Variants in KCND3 observed in about 807,000 individuals in gnomAD.
The protein encoded by KCND3 is potassium voltage-gated channel subfamily D member 3, also known as A-type voltage-gated potassium channel KCND3.
A neutral mutation model predicts 51.1 loss-of-function variants in KCND3; 9 were observed. The observed-to-expected ratio is 0.18, with a 90% CI of 0.11 to 0.31. KCND3 has a LOEUF of 0.31. Ranked by LOEUF, KCND3 falls within the 10% of genes least tolerant of loss-of-function variation. KCND3 has a pLI of 1.00. For synonymous variants in KCND3, 349 were observed against 368.0 expected, an observed-to-expected ratio of 0.95 and a Z score of 0.59; for missense variants, 526 against 903.8, an observed-to-expected ratio of 0.58 and a Z score of 5.36.
At position 111,780,742 on chromosome 1, in the gene KCND3, G is replaced by A. The variant is rs139935157; in HGVS notation, c.1319C>T (p.Ala440Val). Reference sequence around the variant, plus strand: ...CCCGTTGCGCTTGCTGTGCAGGTATGCATTCGAACTGCCTGTTTTGGCCAC... The same window carrying A: ...CCCGTTGCGCTTGCTGTGCAGGTATACATTCGAACTGCCTGTTTTGGCCAC... ...IRVAKTGSSN[A>V]YLHSKRNGLL... is the part of the protein sequence containing the mutation. The change falls in exon 4 of 8, where the codon GCA (alanine) becomes GTA (valine). Residue 440 changes from alanine to valine, a missense_variant. By Grantham distance (64) the Ala-to-Val change is moderately conservative (BLOSUM62 0). Coordinates refer to ENST00000302127, the MANE Select transcript of KCND3 (RefSeq NM_001378969.1). The surrounding 1 kb of genome is among the most constrained non-coding windows in gnomAD (Gnocchi z 4.2). 1 of 1,613,364 alleles carries A rather than the reference G, an allele frequency of 6.2e-7. No individual in the cohort carries two copies. Among genetic ancestry groups the A allele is most frequent in the Non-Finnish European group, 8.5e-7 (1 of 1,179,868 alleles).
At chr1:111,903,536 A>G (rs1454108922) in intron 2 of KCND3, among the ~76,000 whole-genome samples, 1 of 152,236 alleles carries the variant, frequency 6.6e-6, no homozygotes, top group Admixed American at 6.5e-5. Flanking sequence ...TGATCTCTGA[A>G]TCTGCTCATT....
chr1:111,807,769 C>G (rs779181092), intron 2 of KCND3, among the ~76,000 whole-genome samples: 1 of 152,234 alleles, frequency 6.6e-6, no homozygotes, highest in African/African-American at 2.4e-5. Flanking sequence ...GCTATATCAT[C>G]TAGGCTTGTG....
At chr1:111,816,585 A>AC (rs1666098691) in intron 2 of KCND3, among the ~76,000 whole-genome samples, 1 of 152,208 alleles carries the variant, frequency 6.6e-6, no homozygotes, top group African/African-American at 2.4e-5. Context: ...ACTGGGAAAG[A>AC]TGGGGGAATT....
intron 2 of KCND3, among the ~76,000 whole-genome samples, chr1:111,979,961 T>A (rs536657307): frequency 6.6e-6 from 1 of 152,234 alleles, no homozygotes; most frequent in East Asian, 1.9e-4. Flanking sequence ...ATCAGGAGCT[T>A]GACTAGAAGT....
In KCND3 at chr1:111,786,208, T is replaced by G. The variant is rs1664597782; in HGVS notation, c.1269+736A>C. On this transcript the variant is annotated intron_variant, in intron 3 of 7. Coordinates refer to ENST00000302127, the MANE Select transcript of KCND3 (RefSeq NM_001378969.1). ...CTTAAAAATGCAAGTGAACAAGAGT[T>G]GGCTGAGTTGATGAGTTGTTCTAGA... Among the ~76,000 whole-genome samples, 4 of 152,380 alleles carry G rather than the reference T, an allele frequency of 2.6e-5. No individual in the cohort carries two copies. In the South Asian group the frequency reaches 8.3e-4, roughly 32 times the overall value.
At chr1:111,901,433 C>T (rs1347084192) in intron 2 of KCND3, among the ~76,000 whole-genome samples, 1 of 152,236 alleles carries the variant, frequency 6.6e-6, no homozygotes. Flanking sequence ...GCCAGAGACT[C>T]AGCCTGCATT....
chr1:111,958,334 A>C (rs1673444290), intron 2 of KCND3, among the ~76,000 whole-genome samples: 1 of 152,182 alleles, frequency 6.6e-6, no homozygotes, highest in Admixed American at 6.5e-5. Context: ...CAGGACCCTG[A>C]GCTGCAGCCA....
chr1:111,927,980 C>T (rs1247599913), intron 2 of KCND3, among the ~76,000 whole-genome samples: 1 of 152,182 alleles, frequency 6.6e-6, no homozygotes, highest in Non-Finnish European at 1.5e-5. Context: ...CTGCTCACCT[C>T]TCCCAGGGCC....
chr1:111,819,681 C>T (rs367656332), intron 2 of KCND3, among the ~76,000 whole-genome samples: 148 of 152,240 alleles, frequency 9.7e-4, no homozygotes, highest in East Asian at 3.5e-3. Context: ...ACCTGCAAGA[C>T]GCCCTGTGAA....
intron 2 of KCND3, among the ~76,000 whole-genome samples, chr1:111,810,532 G>A (rs1187890972): frequency 6.6e-6 from 1 of 152,238 alleles, no homozygotes. Flanking sequence ...GAGACAGCAG[G>A]TGTCTGAGAA....
chr1:111,917,490 T>G (rs1671277006), intron 2 of KCND3, among the ~76,000 whole-genome samples: 1 of 152,114 alleles, frequency 6.6e-6, no homozygotes, highest in African/African-American at 2.4e-5. Context: ...GGAACTGAGA[T>G]TATATAATGG....
At chr1:111,901,458 A>T (rs1670378436) in intron 2 of KCND3, among the ~76,000 whole-genome samples, 1 of 152,242 alleles carries the variant, frequency 6.6e-6, no homozygotes. Flanking sequence ...GGGCCGGGGC[A>T]AAACTTTCAT....
intron 2 of KCND3, among the ~76,000 whole-genome samples, chr1:111,940,886 A>G (rs1325885061): frequency 6.6e-6 from 1 of 152,140 alleles, no homozygotes; most frequent in East Asian, 1.9e-4. Context: ...TCCAATGTAC[A>G]ACCAAAGTTT....
intron 2 of KCND3, among the ~76,000 whole-genome samples, chr1:111,976,403 T>C (rs1260994164): frequency 6.6e-6 from 1 of 152,234 alleles, no homozygotes; most frequent in African/African-American, 2.4e-5. Context: ...ATGTCTGCCA[T>C]GACTATATAG....
chr1:111,855,077 T>G (rs967629377), intron 2 of KCND3, among the ~76,000 whole-genome samples: 1 of 152,160 alleles, frequency 6.6e-6, no homozygotes, highest in Non-Finnish European at 1.5e-5. Flanking sequence ...TCTGGCCAGC[T>G]GCTCTCACCA....
chr1:111,958,182 G>A (rs1015301089), intron 2 of KCND3, among the ~76,000 whole-genome samples: 4 of 152,186 alleles, frequency 2.6e-5, no homozygotes, highest in Non-Finnish European at 4.4e-5. Context: ...AGGACAGAGA[G>A]GTATTTTCTT....
intron 2 of KCND3, among the ~76,000 whole-genome samples, chr1:111,793,031 A>G (rs1479267468): frequency 1.3e-5 from 2 of 151,466 alleles, no homozygotes; most frequent in African/African-American, 4.8e-5. Context: ...CACCATGCCC[A>G]GCTGATTTAC....
chr1:111,971,978 A>G (rs942190327), intron 2 of KCND3, among the ~76,000 whole-genome samples: 2 of 152,114 alleles, frequency 1.3e-5, no homozygotes, highest in African/African-American at 4.8e-5. Flanking sequence ...CCTGTGTCCA[A>G]GGGTTCCCTT....
At chr1:111,956,175 T>C (rs1673330676) in intron 2 of KCND3, among the ~76,000 whole-genome samples, 1 of 152,064 alleles carries the variant, frequency 6.6e-6, no homozygotes, top group Non-Finnish European at 1.5e-5. Flanking sequence ...GCTGGAGTCC[T>C]TGGAGACCGC....
Sources: gnomAD v4.1 joint callset for allele counts (sites outside exome capture counted in the v4.1 genomes callset) on GRCh38, gnomAD v4.1.1 for gene constraint, Gnocchi (gnomAD v3.1) non-coding constraint, MANE v1.5 for transcripts, NCBI Gene and HGNC (gene_info 2026-07-23, HGNC 2026-07-21) for gene names.